PYHIN1: variants seen among roughly 807,000 people sequenced by gnomAD.
PYHIN1 encodes the protein pyrin and HIN domain family member 1.
A neutral mutation model predicts 43.7 loss-of-function variants in PYHIN1; 32 were observed. That is an observed-to-expected ratio of 0.73 (90% CI 0.55 to 0.98). The LOEUF (loss-of-function observed/expected upper bound fraction) is 0.98, where lower values mean the gene tolerates loss of function less well. PYHIN1 is among the 50% of genes least tolerant of loss of function. The probability of loss-of-function intolerance (pLI) is 0.00; values close to 1 mark genes in which losing one functional copy is unlikely to be tolerated. For synonymous variants in PYHIN1, 205 were observed against 203.1 expected, an observed-to-expected ratio of 1.01 and a Z score of -0.08; for missense variants, 588 against 589.5, an observed-to-expected ratio of 1.00 and a Z score of 0.03.
At chr1:158,959,977 G>C (rs1475959478) in intron 7 of PYHIN1, among the ~76,000 whole-genome samples, 1 of 152,192 alleles carries the variant, frequency 6.6e-6, no homozygotes, top group African/African-American at 2.4e-5. Context: ...TGGAGGAAAA[G>C]CAAAAGAATT....
At position 158,939,070 on chromosome 1, in the gene PYHIN1, C is replaced by A; in HGVS notation, c.412-10C>A. 1 of 1,564,786 alleles carries A rather than the reference C, an allele frequency of 6.4e-7. No individual in the cohort carries two copies. The highest frequency in any genetic ancestry group is 8.6e-7 in the Non-Finnish European group (1 of 1,160,112). ...GAAAGTAATTAACAAGAAAAATAAACTACTTGTAGAAAAGAAAAAAACCAT... is the reference window on the plus strand; with the variant it reads ...GAAAGTAATTAACAAGAAAAATAAAATACTTGTAGAAAAGAAAAAAACCAT... On this transcript the variant is annotated splice_polypyrimidine_tract_variant and intron_variant, in intron 3 of 8. Coordinates refer to ENST00000368140, the MANE Select transcript of PYHIN1 (RefSeq NM_152501.5).
At chr1:158,972,759 T>C (rs1651006609) in intron 7 of PYHIN1, among the ~76,000 whole-genome samples, 1 of 152,098 alleles carries the variant, frequency 6.6e-6, no homozygotes, top group Admixed American at 6.6e-5. Flanking sequence ...CCTAAAACTG[T>C]CTTCAAGCAA....
chr1:158,971,749 T>G (rs921373394), intron 7 of PYHIN1, among the ~76,000 whole-genome samples: 6 of 151,958 alleles, frequency 3.9e-5, no homozygotes, highest in Non-Finnish European at 8.8e-5. Context: ...GGAGCATTAC[T>G]TAACAAAAAT....
the PYHIN1 span, among the ~76,000 whole-genome samples, chr1:158,986,155 G>GGTA: frequency 9.0e-4 from 137 of 152,258 alleles, no homozygotes; most frequent in Middle Eastern, 6.8e-3. Context: ...TAGGTAGCAT[G>GGTA]GTAGTTTGGA....
At chr1:158,960,128 C>T (rs1466820644) in intron 7 of PYHIN1, among the ~76,000 whole-genome samples, 1 of 152,186 alleles carries the variant, frequency 6.6e-6, no homozygotes, top group Non-Finnish European at 1.5e-5. Context: ...TCATTGTTAT[C>T]ATTGTAGTTC....
In PYHIN1 at chr1:158,931,584, C is replaced by T. The variant is rs1258483654; in HGVS notation, c.-213C>T. On this transcript the variant is annotated 5_prime_UTR_variant, in exon 1 of 9. Coordinates refer to ENST00000368140, the MANE Select transcript of PYHIN1 (RefSeq NM_152501.5). ...GAGGAAGCCAGCACTAGTCAAGTGA[C>T]TCTAAGAAGGGCCATTTTCCCTTGT... The T allele has an allele frequency of 1.3e-5, 2 of 152,204 alleles. No homozygotes were observed. The highest frequency in any genetic ancestry group is 4.8e-5 in the African/African-American group (2 of 41,446). 9.4% of individuals were successfully genotyped at this position (152,204 alleles called of 1,614,324 possible). A position where few individuals can be genotyped will look rare whatever the true frequency, so the allele number is the denominator to read the frequency against.
intron 3 of PYHIN1, 78 bp downstream of exon 3, chr1:158,938,620 G>A (rs1648711910): frequency 1.4e-6 from 2 of 1,434,586 alleles, no homozygotes; most frequent in East Asian, 2.3e-5. Context: ...AATCTGTCCA[G>A]CAGGCAGTTA....
At position 158,933,164 on chromosome 1, in the gene PYHIN1, A is replaced by T. The variant is rs990377652; in HGVS notation, c.-21+1388A>T. On this transcript the variant is annotated intron_variant, in intron 1 of 8. Coordinates refer to ENST00000368140, the MANE Select transcript of PYHIN1 (RefSeq NM_152501.5). This position sits in a 1 kb window ranked among gnomAD's most constrained non-coding sequence, Gnocchi z 6.3. Reference sequence around the variant, plus strand: ...AATATATAGATATGCTCACATGCATAGTTGTATAATGTATATTATGTGTGT... The same window carrying T: ...AATATATAGATATGCTCACATGCATTGTTGTATAATGTATATTATGTGTGT... 6.6e-6 allele frequency among the ~76,000 whole-genome samples: 1 copy of T among 151,796 alleles called. No individual in the cohort carries two copies. Among genetic ancestry groups the T allele is most frequent in the Non-Finnish European group, 1.5e-5 (1 of 67,858 alleles).
chr1:158,935,292 G>A (rs1571714702), intron 1 of PYHIN1, among the ~76,000 whole-genome samples: 2 of 144,174 alleles, frequency 1.4e-5, no homozygotes, highest in Non-Finnish European at 1.5e-5. Flanking sequence ...AAGTGCCAGA[G>A]GTTAAAAAAA....
chr1:158,986,735 G>A, the PYHIN1 span, among the ~76,000 whole-genome samples: 1 of 152,184 alleles, frequency 6.6e-6, no homozygotes, highest in Non-Finnish European at 1.5e-5. Flanking sequence ...GAGGAGTATG[G>A]CAAGACTTAA....
intron 7 of PYHIN1, among the ~76,000 whole-genome samples, chr1:158,955,926 C>G (rs1346862142): frequency 6.1e-4 from 56 of 92,132 alleles, no homozygotes; most frequent in African/African-American, 1.9e-3. Context: ...GGGATATCAC[C>G]ACCGATCCCA....
At chr1:158,952,906 G>A (rs113525503) in intron 7 of PYHIN1, among the ~76,000 whole-genome samples, 44 of 152,338 alleles carry the variant, frequency 2.9e-4, no homozygotes, top group African/African-American at 6.0e-4. Flanking sequence ...CGCACCATGC[G>A]CGAGCCGAAG....
At chr1:158,947,174 T>A (rs1358700341) in intron 7 of PYHIN1, among the ~76,000 whole-genome samples, 1 of 152,204 alleles carries the variant, frequency 6.6e-6, no homozygotes, top group Non-Finnish European at 1.5e-5. Context: ...AAATTTATTA[T>A]CATTAGTTAA....
At chr1:158,954,575 C>T (rs1182853391) in intron 7 of PYHIN1, among the ~76,000 whole-genome samples, 1 of 151,714 alleles carries the variant, frequency 6.6e-6, no homozygotes, top group Non-Finnish European at 1.5e-5. Context: ...ACCACCAGGC[C>T]TGCCTTAAAA....
chr1:158,933,838 G>A lies in PYHIN1; in HGVS notation c.-21+2062G>A. Among the ~76,000 whole-genome samples the A allele has an allele frequency of 6.6e-6, 1 of 151,720 alleles. No homozygotes were observed. Among genetic ancestry groups the A allele is most frequent in the Non-Finnish European group, 1.5e-5 (1 of 67,906 alleles). Reference sequence around the variant, plus strand: ...ATCAGGGCTTTCTTTTTAAGTCATAGGCACACATAATCAAGTTCGTTTTTC... The same window carrying A: ...ATCAGGGCTTTCTTTTTAAGTCATAAGCACACATAATCAAGTTCGTTTTTC... On this transcript the variant is annotated intron_variant, in intron 1 of 8. Transcript: ENST00000368140. This position sits in a 1 kb window ranked among gnomAD's most constrained non-coding sequence, Gnocchi z 6.3.
intron 8 of PYHIN1, among the ~76,000 whole-genome samples, chr1:158,974,765 T>C (rs1265847071): frequency 1.3e-5 from 2 of 152,052 alleles, no homozygotes; most frequent in Non-Finnish European, 2.9e-5. Flanking sequence ...ATAAATTATA[T>C]GTAATTTATT....
chr1:158,965,008 A>G (rs1650550015), intron 7 of PYHIN1, among the ~76,000 whole-genome samples: 1 of 152,310 alleles, frequency 6.6e-6, no homozygotes, highest in South Asian at 2.1e-4. Flanking sequence ...ACATGCAATG[A>G]CACCCATTGG....
chr1:158,934,111 G>A (rs80328454), intron 1 of PYHIN1, among the ~76,000 whole-genome samples: 1,566 of 152,082 alleles, frequency 0.01, 22 homozygotes, highest in African/African-American at 0.036. Flanking sequence ...GGGGGGCTCG[G>A]TATGTTTTGA....
chr1:158,936,535 G>T (rs1648552686), intron 1 of PYHIN1, among the ~76,000 whole-genome samples: 1 of 152,040 alleles, frequency 6.6e-6, no homozygotes, highest in African/African-American at 2.4e-5. Flanking sequence ...TGCAAGGCTG[G>T]TTCAACATAC....
Sources: gnomAD v4.1 joint callset for allele counts (sites outside exome capture counted in the v4.1 genomes callset) on GRCh38, gnomAD v4.1.1 for gene constraint, Gnocchi (gnomAD v3.1) non-coding constraint, MANE v1.5 for transcripts, NCBI Gene and HGNC (gene_info 2026-07-23, HGNC 2026-07-21) for gene names.